EYS: variants seen among roughly 807,000 people sequenced by gnomAD.
The protein encoded by EYS is protein eyes shut homolog.
A neutral mutation model predicts 282.1 loss-of-function variants in EYS; 250 were observed. That is an observed-to-expected ratio of 0.89 (90% CI 0.80 to 0.98). EYS has a LOEUF of 0.98. Ranked by LOEUF, EYS falls within the 50% of genes least tolerant of loss-of-function variation. EYS has a pLI of 0.00. For synonymous variants in EYS, 1,355 were observed against 1,282.9 expected (o/e 1.06, Z -1.20); for missense variants, 4,016 against 3,709.0 (o/e 1.08, Z -2.15).
rs114867998 is a variant in EYS, at chr6:63,870,889, C to T, written c.7056-6531G>A. 2.3e-3 allele frequency among the ~76,000 whole-genome samples: 353 copies of T among 152,232 alleles called. 2 individuals carry two copies. Among genetic ancestry groups the T allele is most frequent in the African/African-American group, 7.7e-3 (321 of 41,538 alleles). On this transcript the variant is annotated intron_variant, in intron 35 of 42. Coordinates refer to ENST00000503581, the MANE Select transcript of EYS (RefSeq NM_001142800.2). ...GTTGTAAGGGACAATATAAAATTCACCACTTCATCAAAATTCATCAAATTT... is the reference window on the plus strand; with the variant it reads ...GTTGTAAGGGACAATATAAAATTCATCACTTCATCAAAATTCATCAAATTT...
intron 12 of EYS, among the ~76,000 whole-genome samples, chr6:65,266,743 G>C (rs1326076454): frequency 2.0e-5 from 3 of 151,388 alleles, no homozygotes; most frequent in Admixed American, 6.6e-5. Flanking sequence ...TTAGTATCAT[G>C]AGCTCAAAGC....
chr6:65,566,866 A>G (rs1382606697), intron 2 of EYS, among the ~76,000 whole-genome samples: 1 of 152,212 alleles, frequency 6.6e-6, no homozygotes, highest in Admixed American at 6.6e-5. Context: ...GTACAAAATT[A>G]CAATATGACT....
At chr6:65,414,629 G>A (rs965605048) in intron 5 of EYS, among the ~76,000 whole-genome samples, 34 of 151,930 alleles carry the variant, frequency 2.2e-4, no homozygotes, top group Admixed American at 2.0e-3. Flanking sequence ...TCTTTTCTAA[G>A]ATAAGGAAAA....
chr6:65,342,679 T>C (rs1770242924), intron 10 of EYS, among the ~76,000 whole-genome samples: 1 of 150,606 alleles, frequency 6.6e-6, no homozygotes, highest in Non-Finnish European at 1.5e-5. Context: ...GAAGGATGTG[T>C]ATTTATATTT....
chr6:63,770,918 C>T lies in EYS; in HGVS notation c.7898+7088G>A, dbSNP rs183698171. 1.6e-4 allele frequency among the ~76,000 whole-genome samples: 24 copies of T among 152,226 alleles called. 1 individual carries two copies. The highest frequency in any genetic ancestry group is 4.1e-4 in the South Asian group (2 of 4,822). ...TAATCACTCCACCTGCTGACATTCC[C>T]CTATGGCCTTCCTTTCTTTGCTGGT... On this transcript the variant is annotated intron_variant, in intron 40 of 42. Coordinates refer to ENST00000503581, the MANE Select transcript of EYS (RefSeq NM_001142800.2).
chr6:65,496,511 GA>G (rs1766263370), intron 2 of EYS, among the ~76,000 whole-genome samples: 1 of 151,322 alleles, frequency 6.6e-6, no homozygotes, highest in Non-Finnish European at 1.5e-5. Context: ...TGATGTTAGT[GA>G]AAAAAACGTG....
intron 12 of EYS, among the ~76,000 whole-genome samples, chr6:65,222,694 T>C (rs1488537943): frequency 2.0e-5 from 3 of 152,208 alleles, no homozygotes; most frequent in Non-Finnish European, 4.4e-5. Context: ...GAATATGATA[T>C]GCATAATTGG....
At chr6:63,895,264 A>G (rs1378735684) in intron 35 of EYS, among the ~76,000 whole-genome samples, 1 of 152,198 alleles carries the variant, frequency 6.6e-6, no homozygotes, top group Non-Finnish European at 1.5e-5. Flanking sequence ...TTCAGTTGTT[A>G]AATCAGCTAA....
In EYS at chr6:64,686,852, T is replaced by C. The variant is rs376259433; in HGVS notation, c.3444-60607A>G. 1.7e-3 allele frequency among the ~76,000 whole-genome samples: 37 copies of C among 21,298 alleles called. 1 individual carries two copies. The highest frequency in any genetic ancestry group is 3.7e-3 in the African/African-American group (27 of 7,226). The allele number at this position is 21,298 out of a possible 152,430, so 14.0% of individuals were successfully genotyped here. ...ATATATATATACGTGTATATATATATATGTGTATATATATACGTGTATATA... is the reference window on the plus strand; with the variant it reads ...ATATATATATACGTGTATATATATACATGTGTATATATATACGTGTATATA... On this transcript the variant is annotated intron_variant, in intron 22 of 42. Coordinates refer to ENST00000503581, the MANE Select transcript of EYS (RefSeq NM_001142800.2).
chr6:63,996,670 T>C (rs1048805076), intron 34 of EYS, among the ~76,000 whole-genome samples: 12 of 152,134 alleles, frequency 7.9e-5, no homozygotes, highest in Non-Finnish European at 2.9e-5. Flanking sequence ...AATCCCCAAA[T>C]AGCTGTGTGA....
chr6:64,495,460 G>C (rs1776860801), intron 26 of EYS, among the ~76,000 whole-genome samples: 1 of 151,838 alleles, frequency 6.6e-6, no homozygotes, highest in South Asian at 2.1e-4. Context: ...AAATGATTTG[G>C]ATAGAATGAA....
At chr6:64,663,389 G>A (rs1751947198) in intron 22 of EYS, among the ~76,000 whole-genome samples, 1 of 152,032 alleles carries the variant, frequency 6.6e-6, no homozygotes, top group African/African-American at 2.4e-5. Context: ...TTTTTCAAAA[G>A]GTTGATAAGT....
intron 35 of EYS, among the ~76,000 whole-genome samples, chr6:63,964,817 G>A (rs1481777585): frequency 6.6e-6 from 1 of 151,936 alleles, no homozygotes; most frequent in Non-Finnish European, 1.5e-5. Context: ...TAACAGACAA[G>A]TAAAGTGACA....
At chr6:64,853,406 C>T (rs1765948874) in intron 19 of EYS, among the ~76,000 whole-genome samples, 1 of 152,028 alleles carries the variant, frequency 6.6e-6, no homozygotes, top group African/African-American at 2.4e-5. Flanking sequence ...TTTCTTTTTC[C>T]ATGCAGAATA....
At chr6:65,507,658 A>G (rs889718199) in intron 2 of EYS, among the ~76,000 whole-genome samples, 4 of 151,986 alleles carry the variant, frequency 2.6e-5, no homozygotes, top group Admixed American at 2.0e-4. Flanking sequence ...TAGTTTGGGA[A>G]ATTTCTGTTG....
chr6:63,964,497 GATTTGCAA>G (rs776531927), intron 35 of EYS, among the ~76,000 whole-genome samples: 46 of 152,256 alleles, frequency 3.0e-4, no homozygotes, highest in Middle Eastern at 3.4e-3. Context: ...AGGAACTGTT[GATTTGCAA>G]TTTTTCTGCC....
intron 1 of EYS, among the ~76,000 whole-genome samples, chr6:65,659,311 T>A (rs1288513357): frequency 6.6e-6 from 1 of 151,718 alleles, no homozygotes; most frequent in Non-Finnish European, 1.5e-5. Flanking sequence ...AGGAGTACTA[T>A]CTGGCAATAC....
intron 26 of EYS, among the ~76,000 whole-genome samples, chr6:64,474,354 C>T (rs1776204565): frequency 6.6e-6 from 1 of 152,088 alleles, no homozygotes; most frequent in Non-Finnish European, 1.5e-5. Context: ...GGGGTTATTT[C>T]CCTGTTCTAG....
rs1368031864 is a variant in EYS, at chr6:64,704,457, TTATAA to T, written c.3444-78217_3444-78213del. 5.1e-5 allele frequency among the ~76,000 whole-genome samples: 7 copies of T among 137,184 alleles called. No homozygotes were observed. The East Asian group carries it at 6.0e-4, about 12-fold the overall frequency. 90.0% of individuals were successfully genotyped at this position (137,184 alleles called of 152,430 possible). On this transcript the variant is annotated intron_variant, in intron 22 of 42. Transcript: ENST00000503581. ...TAATATAATCTATATTATAATATAA[TTATAA>T]TATAATACTTATAATTATATTATAA...
Sources: gnomAD v4.1 joint callset for allele counts (sites outside exome capture counted in the v4.1 genomes callset) on GRCh38, gnomAD v4.1.1 for gene constraint, MANE v1.5 for transcripts, NCBI Gene and HGNC (gene_info 2026-07-23, HGNC 2026-07-21) for gene names.